Variants in MIR2052HG observed in about 807,000 individuals in gnomAD.
MIR2052HG encodes the protein MIR2052 host gene.
chr8:74,600,769 T>G (rs1029647397), intron 1 of MIR2052HG, among the ~76,000 whole-genome samples: 1 of 151,798 alleles, frequency 6.6e-6, no homozygotes, highest in Non-Finnish European at 1.5e-5. Context: ...AGAGATGAGG[T>G]TTCACCATGT....
chr8:74,613,629 G>T (rs1808232960), intron 2 of MIR2052HG, among the ~76,000 whole-genome samples: 1 of 152,112 alleles, frequency 6.6e-6, no homozygotes, highest in Admixed American at 6.5e-5. Context: ...GGGATTACAG[G>T]CACCCACCAC....
intron 5 of MIR2052HG, among the ~76,000 whole-genome samples, chr8:74,754,293 ATT>A (rs1809977456): frequency 6.6e-6 from 1 of 152,232 alleles, no homozygotes; most frequent in Non-Finnish European, 1.5e-5. Flanking sequence ...TCTTAGCAGC[ATT>A]TAATAGTATT....
chr8:74,602,817 G>GTTTGTTTCTTTCTTTCTTTCTTTC (rs554782820), intron 1 of MIR2052HG, among the ~76,000 whole-genome samples: 2 of 73,786 alleles, frequency 2.7e-5, no homozygotes, highest in African/African-American at 1.3e-4. Flanking sequence ...GCCCGGCCGT[G>GTTTGTTTCTTTCTTTCTTTCTTTC]TTTCTTTCTT....
At chr8:74,712,908 A>G (rs973381592) in intron 4 of MIR2052HG, among the ~76,000 whole-genome samples, 2 of 152,328 alleles carry the variant, frequency 1.3e-5, no homozygotes, top group East Asian at 3.9e-4. Context: ...AACTTGTGTT[A>G]CAGCGGGGAA....
intron 2 of MIR2052HG, among the ~76,000 whole-genome samples, chr8:74,646,849 G>A (rs972544771): frequency 6.6e-6 from 1 of 152,120 alleles, no homozygotes. Flanking sequence ...AATTGCTTGA[G>A]CCTGGGAGGT....
chr8:74,620,548 GC>G (rs1490242988), intron 2 of MIR2052HG, among the ~76,000 whole-genome samples: 1 of 152,226 alleles, frequency 6.6e-6, no homozygotes, highest in African/African-American at 2.4e-5. Context: ...GCACACACAG[GC>G]CCAACACCAT....
intron 2 of MIR2052HG, among the ~76,000 whole-genome samples, chr8:74,669,831 G>A (rs1460689852): frequency 6.6e-6 from 1 of 152,112 alleles, no homozygotes; most frequent in Non-Finnish European, 1.5e-5. Flanking sequence ...CAACTTCTAA[G>A]CATCTTCTTT....
In MIR2052HG at chr8:74,732,670, T is replaced by C. The variant is rs971903194; in HGVS notation, n.372-19771T>C. Among the ~76,000 whole-genome samples, 3 of 152,170 alleles carry C rather than the reference T, an allele frequency of 2.0e-5. No individual in the cohort carries two copies. In the East Asian group the frequency reaches 5.8e-4, roughly 29 times the overall value. On this transcript the variant is annotated intron_variant and non_coding_transcript_variant, in intron 4 of 6. Transcript: ENST00000523442. ...TGGAAGAATGCTGTTATTTTCAATATAGAACTCTCTCTGAGTAGATGAAGT... is the reference window on the plus strand; with the variant it reads ...TGGAAGAATGCTGTTATTTTCAATACAGAACTCTCTCTGAGTAGATGAAGT...
At chr8:74,602,837 C>CT (rs1386590339) in intron 1 of MIR2052HG, among the ~76,000 whole-genome samples, 1 of 137,932 alleles carries the variant, frequency 7.2e-6, no homozygotes, top group Non-Finnish European at 1.5e-5. Context: ...TTCTTTCTTT[C>CT]TTTCTTTCTT....
intron 2 of MIR2052HG, among the ~76,000 whole-genome samples, chr8:74,634,113 T>TA (rs1256630959): frequency 6.6e-6 from 1 of 152,210 alleles, no homozygotes; most frequent in Non-Finnish European, 1.5e-5. Flanking sequence ...CTAACACTTG[T>TA]AGAAAGCATG....
At chr8:74,725,243 C>A (rs1809621579) in intron 4 of MIR2052HG, among the ~76,000 whole-genome samples, 1 of 152,210 alleles carries the variant, frequency 6.6e-6, no homozygotes, top group Non-Finnish European at 1.5e-5. Flanking sequence ...TCATTACATG[C>A]CCATGGGACT....
intron 4 of MIR2052HG, among the ~76,000 whole-genome samples, chr8:74,751,487 A>G (rs1036527124): frequency 6.6e-6 from 1 of 152,234 alleles, no homozygotes; most frequent in South Asian, 2.1e-4. Flanking sequence ...AGAAACACAC[A>G]TAAGACAAGT....
chr8:74,715,380 A>G (rs1167025834), intron 4 of MIR2052HG, among the ~76,000 whole-genome samples: 1 of 152,208 alleles, frequency 6.6e-6, no homozygotes, highest in Non-Finnish European at 1.5e-5. Flanking sequence ...CAGGCATAGA[A>G]CAGGGACAAA....
chr8:74,641,467 A>C (rs938421650), intron 2 of MIR2052HG, among the ~76,000 whole-genome samples: 2 of 152,188 alleles, frequency 1.3e-5, no homozygotes, highest in African/African-American at 2.4e-5. Context: ...GAAAAAAAAG[A>C]AGCTCATTTT....
chr8:74,659,267 AGT>A (rs1177647868), intron 2 of MIR2052HG, among the ~76,000 whole-genome samples: 2 of 152,222 alleles, frequency 1.3e-5, no homozygotes, highest in Non-Finnish European at 2.9e-5. Flanking sequence ...TGATGAGTAA[AGT>A]GTAAGTAAAT....
At chr8:74,675,927 A>T (rs1275081492) in intron 2 of MIR2052HG, among the ~76,000 whole-genome samples, 1 of 152,032 alleles carries the variant, frequency 6.6e-6, no homozygotes, top group African/African-American at 2.4e-5. Flanking sequence ...ACAATGTATT[A>T]ATTTGTTAAT....
intron 4 of MIR2052HG, among the ~76,000 whole-genome samples, chr8:74,713,577 C>T (rs1586921199): frequency 6.6e-6 from 1 of 151,956 alleles, no homozygotes; most frequent in Non-Finnish European, 1.5e-5. Context: ...TCATCTCCTA[C>T]TGATGCCATT....
intron 2 of MIR2052HG, among the ~76,000 whole-genome samples, chr8:74,673,739 T>C (rs1809018063): frequency 6.6e-6 from 1 of 151,756 alleles, no homozygotes. Flanking sequence ...AGAACAAGTT[T>C]GAAAAACTTG....
intron 4 of MIR2052HG, among the ~76,000 whole-genome samples, chr8:74,709,954 T>C (rs1038538554): frequency 1.3e-5 from 2 of 152,222 alleles, no homozygotes; most frequent in African/African-American, 4.8e-5. Context: ...TTTTTAAAAT[T>C]TCTGCAATAT....
Sources: allele counts gnomAD v4.1 joint callset (sites outside exome capture counted in the v4.1 genomes callset), GRCh38; gene constraint gnomAD v4.1.1; transcripts MANE v1.5; gene names NCBI Gene and HGNC (gene_info 2026-07-23, HGNC 2026-07-21).